The following GABRG3 variants were observed in gnomAD, a reference collection of about 807,000 sequenced individuals.
GABRG3 encodes the protein gamma-aminobutyric acid receptor subunit gamma-3.
GABRG3 carries 25 observed loss-of-function variants against 48.8 expected under a neutral mutation model. The ratio of observed to expected loss-of-function variants is 0.51; its 90% CI spans 0.37 to 0.72. The LOEUF (loss-of-function observed/expected upper bound fraction) is 0.72. Among genes scored for constraint, GABRG3 ranks in the 30% least tolerant of loss-of-function variants. The pLI, the probability that GABRG3 is intolerant of heterozygous loss-of-function variation, is 0.00. For missense variants in GABRG3, 394 were observed against 577.9 expected, an observed-to-expected ratio of 0.68 and a Z score of 3.26; for synonymous variants, 227 against 217.6, an observed-to-expected ratio of 1.04 and a Z score of -0.38.
intron 3 of GABRG3, among the ~76,000 whole-genome samples, chr15:27,276,419 GCAGAACT>G (rs1891256535): frequency 6.6e-6 from 1 of 152,176 alleles, no homozygotes; most frequent in South Asian, 2.1e-4. Context: ...GCTGTTGGCT[GCAGAACT>G]CAGAGTTCTG....
chr15:27,200,858 G>A (rs1888658944), intron 3 of GABRG3, among the ~76,000 whole-genome samples: 2 of 152,070 alleles, frequency 1.3e-5, no homozygotes, highest in South Asian at 2.1e-4. Context: ...TTAAGGCCTC[G>A]AGATTTTCTT....
chr15:27,264,950 T>C (rs1890873289), intron 3 of GABRG3, among the ~76,000 whole-genome samples: 1 of 152,090 alleles, frequency 6.6e-6, no homozygotes, highest in Admixed American at 6.6e-5. Flanking sequence ...ACCAACTTCT[T>C]CAAATAAATA....
In GABRG3 at chr15:27,236,397, A is replaced by G. The variant is rs1889967868; in HGVS notation, c.271-90412A>G. Among the ~76,000 whole-genome samples, 1 of 152,188 alleles carries G rather than the reference A, an allele frequency of 6.6e-6. No individual in the cohort carries two copies. Among genetic ancestry groups the G allele is most frequent in the Non-Finnish European group, 1.5e-5 (1 of 68,032 alleles). On this transcript the variant is annotated intron_variant, in intron 3 of 9. Coordinates refer to ENST00000615808, the MANE Select transcript of GABRG3 (RefSeq NM_033223.5). The surrounding 1 kb of genome is among the most constrained non-coding windows in gnomAD (Gnocchi z 4.4). ...CCTGACCCACTGTTGGCTGAGAGAA[A>G]CCTTAGAAACTGAGTTCCCGGCCAT...
chr15:26,996,098 A>T (rs1895335103), intron 2 of GABRG3, among the ~76,000 whole-genome samples: 1 of 152,132 alleles, frequency 6.6e-6, no homozygotes, highest in Admixed American at 6.5e-5. Context: ...CCAACAATGT[A>T]ATTATATATG....
At chr15:27,509,001 G>C (rs1431542227) in intron 6 of GABRG3, among the ~76,000 whole-genome samples, 1 of 152,022 alleles carries the variant, frequency 6.6e-6, no homozygotes, top group Non-Finnish European at 1.5e-5. Flanking sequence ...TTATAGGCTT[G>C]AGCCACCGTG....
chr15:27,132,221 T>G lies in GABRG3; in HGVS notation c.270+105400T>G, dbSNP rs148094013. Among the ~76,000 whole-genome samples the G allele has an allele frequency of 4.6e-5, 7 of 152,206 alleles. No individual in the cohort carries two copies. In the South Asian group the frequency reaches 1.0e-3, roughly 23 times the overall value. On this transcript the variant is annotated intron_variant, in intron 3 of 9. Transcript: ENST00000615808. ...AAAATCCTTCCCCAGACCAATGTCA[T>G]GTAGCATTTCCCCTATATTTTCTTC...
intron 3 of GABRG3, among the ~76,000 whole-genome samples, chr15:27,113,489 G>A (rs935071171): frequency 6.6e-6 from 1 of 152,138 alleles, no homozygotes; most frequent in African/African-American, 2.4e-5. Context: ...AGTGACCCAG[G>A]TGGAGGGCTG....
chr15:27,501,074 C>G (rs1890619200), intron 6 of GABRG3, among the ~76,000 whole-genome samples: 1 of 151,526 alleles, frequency 6.6e-6, no homozygotes, highest in African/African-American at 2.4e-5. Flanking sequence ...GCCTCAGCCT[C>G]CCGAGTAGCT....
chr15:27,308,588 T>C (rs189654391), intron 3 of GABRG3, among the ~76,000 whole-genome samples: 1 of 146,038 alleles, frequency 6.8e-6, no homozygotes, highest in Non-Finnish European at 1.5e-5. Context: ...AAACATACAT[T>C]TATATATAAA....
intron 5 of GABRG3, among the ~76,000 whole-genome samples, chr15:27,402,278 C>CA (rs142142022): frequency 3.0e-4 from 45 of 151,682 alleles, no homozygotes; most frequent in Non-Finnish European, 5.5e-4. Context: ...TGAAGACAGA[C>CA]AAAAAAAATG....
At chr15:27,103,351 C>T (rs1298613695) in intron 3 of GABRG3, among the ~76,000 whole-genome samples, 2 of 152,154 alleles carry the variant, frequency 1.3e-5, no homozygotes, top group African/African-American at 2.4e-5. Flanking sequence ...TCCCCAGGCA[C>T]AGTTAAAGTA....
intron 3 of GABRG3, among the ~76,000 whole-genome samples, chr15:27,318,615 C>G (rs1003948011): frequency 6.6e-6 from 1 of 152,170 alleles, no homozygotes; most frequent in African/African-American, 2.4e-5. Context: ...AGGTTTCGAA[C>G]CAGTGCATTT....
At chr15:27,527,871 A>AGTG in intron 8 of GABRG3, 62 bp from the exon 9 acceptor site, 1 of 1,339,748 alleles carries the variant, frequency 7.5e-7, no homozygotes, top group Non-Finnish European at 1.0e-6. Flanking sequence ...TGCTCTTAAG[A>AGTG]GTGATCTTGG....
At chr15:27,500,952 G>GTTTTTTTTT (rs61305255) in intron 6 of GABRG3, among the ~76,000 whole-genome samples, 9 of 122,150 alleles carry the variant, frequency 7.4e-5, no homozygotes, top group African/African-American at 1.9e-4. Context: ...AGTAACGTAT[G>GTTTTTTTTT]TTTTTTTTTT....
intron 5 of GABRG3, among the ~76,000 whole-genome samples, chr15:27,459,804 C>T (rs927453950): frequency 2.0e-5 from 3 of 152,240 alleles, no homozygotes; most frequent in African/African-American, 4.8e-5. Context: ...GACTGATATA[C>T]ATTTCCTTTT....
At chr15:27,430,030 G>T (rs577914012) in intron 5 of GABRG3, among the ~76,000 whole-genome samples, 6 of 152,188 alleles carry the variant, frequency 3.9e-5, no homozygotes, top group Middle Eastern at 3.4e-3. Flanking sequence ...AGTGTAAGGG[G>T]GTTTCAATTT....
intron 3 of GABRG3, among the ~76,000 whole-genome samples, chr15:27,251,513 T>G (rs1595613881): frequency 6.6e-6 from 1 of 152,214 alleles, no homozygotes; most frequent in East Asian, 1.9e-4. Context: ...GCCATTTTAT[T>G]TACAAAGTGT....
At chr15:27,079,503 G>A (rs56124708) in intron 3 of GABRG3, among the ~76,000 whole-genome samples, 29,441 of 151,918 alleles carry the variant, frequency 0.19, 2,941 homozygotes, top group Middle Eastern at 0.25. Flanking sequence ...TGTGTGTGTT[G>A]GGAGTGGGTG....
intron 3 of GABRG3, among the ~76,000 whole-genome samples, chr15:27,248,870 A>T: frequency 6.7e-6 from 1 of 149,770 alleles, no homozygotes; most frequent in Non-Finnish European, 1.5e-5. Context: ...TGAAGAGGGC[A>T]GGGGCTGTGG....
Sources: gnomAD v4.1 joint callset for allele counts (sites outside exome capture counted in the v4.1 genomes callset) on GRCh38, gnomAD v4.1.1 for gene constraint, Gnocchi (gnomAD v3.1) non-coding constraint, MANE v1.5 for transcripts, NCBI Gene and HGNC (gene_info 2026-07-23, HGNC 2026-07-21) for gene names.